The following DDX19B variants were observed in gnomAD, a reference collection of about 807,000 sequenced individuals.
The protein encoded by DDX19B is ATP-dependent RNA helicase DDX19B.
A neutral mutation model predicts 58.1 loss-of-function variants in DDX19B; 27 were observed. The ratio of observed to expected loss-of-function variants is 0.46; its 90% CI spans 0.34 to 0.64. The LOEUF (loss-of-function observed/expected upper bound fraction) is 0.64. DDX19B is among the 30% of genes least tolerant of loss of function. The pLI is 0.01. For synonymous variants in DDX19B, 187 were observed against 214.4 expected (o/e 0.87, Z 1.12); for missense variants, 399 against 596.5 (o/e 0.67, Z 3.45).
intron 1 of DDX19B, among the ~76,000 whole-genome samples, chr16:70,301,696 CTTTTTT>C (rs75159803): frequency 3.3e-4 from 45 of 136,682 alleles, no homozygotes; most frequent in Non-Finnish European, 5.8e-4. Context: ...CTCTCTCTCT[CTTTTTT>C]TTTTTTTTTT....
At chr16:70,311,346 CTCCAG>C (rs1962085818) in intron 1 of DDX19B, among the ~76,000 whole-genome samples, 1 of 152,158 alleles carries the variant, frequency 6.6e-6, no homozygotes, top group African/African-American at 2.4e-5. Flanking sequence ...CGCCCCTACA[CTCCAG>C]TCCAGGTGAC....
chr16:70,314,011 A>G (rs769793467), intron 2 of DDX19B, among the ~76,000 whole-genome samples: 16 of 152,170 alleles, frequency 1.1e-4, no homozygotes, highest in South Asian at 8.3e-4. Context: ...CAGGATACTG[A>G]AACAGTGGAA....
At chr16:70,308,840 G>A (rs1323239783) in intron 1 of DDX19B, among the ~76,000 whole-genome samples, 1 of 151,416 alleles carries the variant, frequency 6.6e-6, no homozygotes, top group Non-Finnish European at 1.5e-5. Context: ...GTTCTAGGGT[G>A]CATGTGCAGG....
upstream of DDX19B, among the ~76,000 whole-genome samples, chr16:70,291,760 G>C (rs1567617236): frequency 6.6e-6 from 1 of 151,972 alleles, no homozygotes; most frequent in Non-Finnish European, 1.5e-5. Context: ...GCAGTGAGCC[G>C]AGATCAGGCC....
chr16:70,301,177 T>C (rs374232075), intron 1 of DDX19B, among the ~76,000 whole-genome samples: 1 of 152,190 alleles, frequency 6.6e-6, no homozygotes, highest in African/African-American at 2.4e-5. Context: ...TACTTTTCCA[T>C]CTTTCTTGAT....
intron 9 of DDX19B, among the ~76,000 whole-genome samples, chr16:70,331,479 AT>A (rs1216478812): frequency 1.3e-5 from 2 of 151,966 alleles, no homozygotes; most frequent in Non-Finnish European, 2.9e-5. Flanking sequence ...TGAAAGAAAA[AT>A]TTTTTTTTGA....
intron 1 of DDX19B, among the ~76,000 whole-genome samples, chr16:70,311,010 A>G (rs990795629): frequency 2.7e-5 from 4 of 150,304 alleles, no homozygotes; most frequent in Non-Finnish European, 5.9e-5. Flanking sequence ...CAGCCTGGGC[A>G]ACAGAGCGAG....
intron 7 of DDX19B, among the ~76,000 whole-genome samples, chr16:70,328,153 CAA>C (rs578100582): frequency 1.6e-5 from 2 of 127,992 alleles, no homozygotes; most frequent in African/African-American, 2.9e-5. Context: ...GATTCTGTCT[CAA>C]AAAAAAAAAA....
At chr16:70,311,078 T>C (rs1051328764) in intron 1 of DDX19B, among the ~76,000 whole-genome samples, 6 of 143,650 alleles carry the variant, frequency 4.2e-5, no homozygotes, top group Non-Finnish European at 7.6e-5. Flanking sequence ...TTAATAAAAA[T>C]GTACGACTAG....
intron 3 of DDX19B, 63 bp from the exon 4 acceptor site, chr16:70,315,906 A>C: frequency 3.8e-6 from 6 of 1,569,208 alleles, no homozygotes; most frequent in Non-Finnish European, 5.2e-6. Context: ...CAGTTGAATT[A>C]GAGTAAACGC....
At chr16:70,328,340 G>T (rs1963290180) in intron 7 of DDX19B, among the ~76,000 whole-genome samples, 1 of 150,844 alleles carries the variant, frequency 6.6e-6, no homozygotes, top group Non-Finnish European at 1.5e-5. Context: ...ATTCGAATTA[G>T]AAGGGTAGAG....
chr16:70,311,926 C>T (rs1962116027), intron 1 of DDX19B, among the ~76,000 whole-genome samples: 1 of 151,990 alleles, frequency 6.6e-6, no homozygotes, highest in Admixed American at 6.6e-5. Flanking sequence ...ACTGCAACCT[C>T]CGCCTCCTGG....
chr16:70,325,440 C>T, intron 6 of DDX19B, 134 bp from the exon 7 acceptor site: 1 of 646,306 alleles, frequency 1.5e-6, no homozygotes, highest in Non-Finnish European at 2.7e-6. Flanking sequence ...CTTAAAGAAT[C>T]AAATGGTGTA....
At chr16:70,311,557 G>A (rs898065735) in intron 1 of DDX19B, among the ~76,000 whole-genome samples, 1 of 152,184 alleles carries the variant, frequency 6.6e-6, no homozygotes, top group Non-Finnish European at 1.5e-5. Context: ...CATTCTAATA[G>A]AGGAGATAAG....
Position 70,329,302 on chromosome 16 carries a change from C to T in DDX19B, c.618C>T (p.Gly206=), listed in dbSNP as rs954875627. Residue 206 remains glycine, a synonymous_variant, in exon 8 of 12, where the codon GGC becomes GGT. Transcript: ENST00000288071. ...YAVRGNKLER[G]QKISEQIVIG... ...TTGGGGTCTCCACAGTGGAAAGAGG[C>T]CAGAAGATCAGTGAGCAGATTGTCA... 1 of 1,613,616 alleles carries T rather than the reference C, an allele frequency of 6.2e-7. No individual in the cohort carries two copies. Among genetic ancestry groups the T allele is most frequent in the East Asian group, 2.2e-5 (1 of 44,888 alleles).
In DDX19B at chr16:70,324,525, TAAAC is replaced by T; in HGVS notation, c.390-59_390-56del. On this transcript the variant is annotated intron_variant, in intron 5 of 11. Transcript: ENST00000288071. ...AATGAATTTTTAATACTCATTTTTT[TAAAC>T]TTTGTTAACTAAAAGGTTGAGATTT... The T allele has an allele frequency of 3.4e-6, 5 of 1,491,832 alleles. No individual in the cohort carries two copies. In the Admixed American group the frequency reaches 5.8e-5, roughly 17 times the overall value. 92.4% of individuals were successfully genotyped at this position (1,491,832 alleles called of 1,614,324 possible). A position where few individuals can be genotyped will look rare whatever the true frequency, so the allele number is the denominator to read the frequency against.
chr16:70,312,018 T>A (rs1457546315), intron 1 of DDX19B, among the ~76,000 whole-genome samples: 6 of 152,048 alleles, frequency 3.9e-5, no homozygotes, highest in African/African-American at 7.2e-5. Flanking sequence ...ATTTTTGTAT[T>A]TTTGGTAGAG....
upstream of DDX19B, among the ~76,000 whole-genome samples, chr16:70,293,326 G>A (rs891631599): frequency 6.7e-6 from 1 of 150,198 alleles, no homozygotes; most frequent in African/African-American, 2.5e-5. Context: ...GCTGAGGTGG[G>A]AGGATAGCTT....
At chr16:70,327,793 A>G (rs1963251617) in intron 7 of DDX19B, among the ~76,000 whole-genome samples, 1 of 152,096 alleles carries the variant, frequency 6.6e-6, no homozygotes, top group African/African-American at 2.4e-5. Flanking sequence ...TCTGTTAATT[A>G]TTTTTTGTTA....
Sources: allele counts gnomAD v4.1 joint callset (sites outside exome capture counted in the v4.1 genomes callset), GRCh38; gene constraint gnomAD v4.1.1; transcripts MANE v1.5; gene names NCBI Gene and HGNC (gene_info 2026-07-23, HGNC 2026-07-21).